MYOF: variants seen among roughly 807,000 people sequenced by gnomAD.
The protein encoded by MYOF is myoferlin.
In MYOF, 244 loss-of-function variants were observed where a neutral mutation model predicts 284.2. The observed-to-expected ratio is 0.86, with a 90% CI of 0.77 to 0.95. The LOEUF (loss-of-function observed/expected upper bound fraction) is 0.95, where lower values mean the gene tolerates loss of function less well. Ranked by LOEUF, MYOF falls within the 40% of genes least tolerant of loss-of-function variation. The pLI, the probability that MYOF is intolerant of heterozygous loss-of-function variation, is 0.00. For synonymous variants in MYOF, 904 were observed against 919.7 expected, an observed-to-expected ratio of 0.98 and a Z score of 0.31; for missense variants, 2,496 against 2,560.6, an observed-to-expected ratio of 0.97 and a Z score of 0.54.
At chr10:93,317,027 A>G (rs1842643068) in intron 49 of MYOF, among the ~76,000 whole-genome samples, 1 of 151,344 alleles carries the variant, frequency 6.6e-6, no homozygotes, top group East Asian at 1.9e-4. Flanking sequence ...GGTTTTTCCC[A>G]AAGAAGATTT....
rs759449867 is a variant in MYOF at position 93,329,873 on chromosome 10, A to C, written c.4812-39T>G. On this transcript the variant is annotated intron_variant, in intron 43 of 53. Coordinates refer to ENST00000359263, the MANE Select transcript of MYOF (RefSeq NM_013451.4). ...TGCAAGGTCAGAATCTTCATGATCC[A>C]TCTGAGTACCTCACAAAAACTGGGG... The C allele has an allele frequency of 6.2e-6, 10 of 1,605,204 alleles. No individual in the cohort carries two copies. In the Admixed American group the frequency reaches 1.7e-4, roughly 27 times the overall value.
chr10:93,344,076 C>G lies in MYOF; in HGVS notation c.4250-144G>C, dbSNP rs1287601065. ...ACTTACAGAATAGAGAGGACAACTCCTGAATGTAGAAAATAAACCAACAAT... is the reference window on the plus strand; with the variant it reads ...ACTTACAGAATAGAGAGGACAACTCGTGAATGTAGAAAATAAACCAACAAT... On this transcript the variant is annotated intron_variant, in intron 37 of 53. Coordinates refer to ENST00000359263, the MANE Select transcript of MYOF (RefSeq NM_013451.4). 3 of 769,010 alleles carry G rather than the reference C, an allele frequency of 3.9e-6. No homozygotes were observed. In the African/African-American group the frequency reaches 5.3e-5, roughly 13 times the overall value. 47.6% of individuals were successfully genotyped at this position (769,010 alleles called of 1,614,324 possible).
rs1421592315 is a variant in MYOF, at chr10:93,464,418, A to G, written c.89-7481T>C. ...TGGAGAATCCTGACTAGTCCAACCA[A>G]TAACACCAGGTGCCCACGGAAGTAA... On this transcript the variant is annotated intron_variant, in intron 1 of 53. Transcript: ENST00000359263. Among the ~76,000 whole-genome samples, 3 of 152,154 alleles carry G rather than the reference A, an allele frequency of 2.0e-5. No individual in the cohort carries two copies. In the South Asian group the frequency reaches 6.2e-4, roughly 32 times the overall value.
chr10:93,419,889 T>C (rs994858196), intron 5 of MYOF, among the ~76,000 whole-genome samples: 1 of 152,180 alleles, frequency 6.6e-6, no homozygotes, highest in Non-Finnish European at 1.5e-5. Flanking sequence ...CCCAGCACTT[T>C]GGGAGGCCGA....
chr10:93,333,159 A>C, intron 43 of MYOF, 62 bp downstream of exon 43: 1 of 1,335,156 alleles, frequency 7.5e-7, no homozygotes, highest in Non-Finnish European at 1.1e-6. Context: ...CACATATTAG[A>C]GTCTTCATGC....
In MYOF at chr10:93,333,276, C is replaced by G; in HGVS notation, c.4756G>C (p.Val1586Leu). 1 of 1,613,780 alleles carries G rather than the reference C, an allele frequency of 6.2e-7. No homozygotes were observed. The highest frequency in any genetic ancestry group is 8.5e-7 in the Non-Finnish European group (1 of 1,179,928). ...ATGTAGTGATCTCGGTCTTCAATGA[C>G]TTTTTTGCCCAGTGTTATTTTTATG... ...PYIKITLGKK[V>L]IEDRDHYIPN... The change falls in exon 43 of 54, where the codon GTC (valine) becomes CTC (leucine). Residue 1586 changes from valine (V) to leucine (L), a missense_variant. By Grantham distance (32) the Val-to-Leu change is conservative. Around this residue, in one of 3 missense-constraint regions of MYOF, gnomAD observed 2,436 missense variants for 2,480.7 expected, o/e 0.98. Transcript: ENST00000359263.
rs1844494368 is a variant in MYOF, at chr10:93,351,279, G to C, written c.3839C>G (p.Pro1280Arg). 3.7e-6 allele frequency: 6 copies of C among 1,613,292 alleles called. No individual in the cohort carries two copies. The highest frequency in any genetic ancestry group is 4.2e-6 in the Non-Finnish European group (5 of 1,179,852). ...ILRGKDGSNLPILPPQRAPNL... is the reference protein window; with the variant it reads ...ILRGKDGSNLRILPPQRAPNL... ...TGGCGCCCTTTGAGGGGGAAGAATG[G>C]GAAGGTTGGAGCCATCCTGTGAAAC... Residue 1280 changes from proline (P) to arginine (R), a missense_variant, in exon 35 of 54, where the codon CCC (proline) becomes CGC (arginine). This residue lies in a region of MYOF where 2,436 missense variants were observed against 2,480.7 expected (regional missense o/e 0.98). Coordinates refer to ENST00000359263, the MANE Select transcript of MYOF (RefSeq NM_013451.4).
intron 39 of MYOF, among the ~76,000 whole-genome samples, chr10:93,338,881 A>G (rs1478695312): frequency 6.7e-6 from 1 of 148,536 alleles, no homozygotes; most frequent in Admixed American, 6.8e-5. Flanking sequence ...TTCTTATCAG[A>G]CCCCCTCTTT....
rs564290122 is a variant in MYOF, at chr10:93,434,853, T to G, written c.237-3337A>C. Reference sequence around the variant, plus strand: ...TTAGATTTTTATTCCCGTGACATACTGAAGACACCCATTACTCCATCTCCA... The same window carrying G: ...TTAGATTTTTATTCCCGTGACATACGGAAGACACCCATTACTCCATCTCCA... On this transcript the variant is annotated intron_variant, in intron 3 of 53. Coordinates refer to ENST00000359263, the MANE Select transcript of MYOF (RefSeq NM_013451.4). Among the ~76,000 whole-genome samples the G allele has an allele frequency of 3.9e-5, 6 of 152,256 alleles. No homozygotes were observed. The East Asian group carries it at 1.2e-3, about 29-fold the overall frequency.
chr10:93,310,465 A>G, intron 52 of MYOF, 69 bp downstream of exon 52: 1 of 1,456,256 alleles, frequency 6.9e-7, no homozygotes, highest in Non-Finnish European at 9.6e-7. Context: ...CATCCCATTA[A>G]GCCAATGGGA....
intron 37 of MYOF, among the ~76,000 whole-genome samples, chr10:93,345,227 C>T (rs1844133142): frequency 1.3e-5 from 2 of 152,230 alleles, no homozygotes; most frequent in African/African-American, 2.4e-5. Flanking sequence ...AAACACTTTA[C>T]TTACATGACC....
At chr10:93,386,160 G>A (rs1219273272) in intron 19 of MYOF, among the ~76,000 whole-genome samples, 1 of 152,144 alleles carries the variant, frequency 6.6e-6, no homozygotes, top group African/African-American at 2.4e-5. Flanking sequence ...ACTCCAATCT[G>A]TAACTACTCA....
intron 53 of MYOF, among the ~76,000 whole-genome samples, chr10:93,307,591 C>T (rs1399252503): frequency 3.3e-5 from 5 of 150,812 alleles, no homozygotes; most frequent in African/African-American, 4.9e-5. Flanking sequence ...TGAGCCACCA[C>T]GCCCTGCAGT....
chr10:93,355,819 T>C, intron 30 of MYOF, 83 bp from the exon 31 acceptor site: 1 of 939,334 alleles, frequency 1.1e-6, no homozygotes, highest in Non-Finnish European at 1.7e-6. Flanking sequence ...GAGGCAAGAA[T>C]AACAAATGGA....
chr10:93,316,731 G>A lies in MYOF; in HGVS notation c.5681C>T (p.Ser1894Phe). The A allele has an allele frequency of 6.2e-7, 1 of 1,613,552 alleles. No individual in the cohort carries two copies. The highest frequency in any genetic ancestry group is 8.5e-7 in the Non-Finnish European group (1 of 1,179,508). Residue 1894 changes from serine (S) to phenylalanine (F), a missense_variant, in exon 50 of 54, where the codon TCT becomes TTT. Around this residue, in one of 3 missense-constraint regions of MYOF, gnomAD observed 2,436 missense variants for 2,480.7 expected, o/e 0.98. Transcript: ENST00000359263. ...IIQIWDNDKF[S>F]LDDYLGFLEL... The stretch of plus-strand genomic sequence containing the variant: ...AGCCCTACCCAAGTAGTCATCCAGA[G>A]AAAACTTGTCATTGTCCCATATCTG...
chr10:93,332,370 A>C (rs1438376750), intron 43 of MYOF, among the ~76,000 whole-genome samples: 1 of 151,844 alleles, frequency 6.6e-6, no homozygotes, highest in Non-Finnish European at 1.5e-5. Flanking sequence ...TTACAGGTAC[A>C]CACCACCATG....
At chr10:93,323,389 A>AAGTT in intron 46 of MYOF, 31 bp from the exon 47 acceptor site, 1 of 1,554,872 alleles carries the variant, frequency 6.4e-7, no homozygotes. Context: ...AAGAGGACTG[A>AAGTT]AGTTATATGA....
Position 93,323,172 on chromosome 10 carries a change from A to G in MYOF, c.5362T>C (p.Tyr1788His). ...FNITPRKAKK[Y>H]YLRVIIWNTK... ...TTCCAGATGATCACACGCAGGTAGT[A>G]TCTGCAAGAAGCACAGTTGGAAGGT... Residue 1788 changes from tyrosine (Y) to histidine (H), a missense_variant and splice_region_variant, in exon 48 of 54, where the codon TAC becomes CAC. Physicochemically the swap from Tyr to His is moderately conservative, Grantham distance 83 (BLOSUM62 2). Coordinates refer to ENST00000359263, the MANE Select transcript of MYOF (RefSeq NM_013451.4). 1 of 1,614,150 alleles carries G rather than the reference A, an allele frequency of 6.2e-7. No homozygotes were observed. The highest frequency in any genetic ancestry group is 2.2e-5 in the East Asian group (1 of 44,884).
chr10:93,465,184 C>A (rs531536473), intron 1 of MYOF, among the ~76,000 whole-genome samples: 3 of 152,172 alleles, frequency 2.0e-5, no homozygotes, highest in Non-Finnish European at 4.4e-5. Context: ...GGTCATACAG[C>A]TAGTAAGTGA....
Sources: gnomAD v4.1 joint callset for allele counts (sites outside exome capture counted in the v4.1 genomes callset) on GRCh38, gnomAD v4.1.1 for gene constraint, gnomAD v4.1.1 regional missense constraint, MANE v1.5 for transcripts, NCBI Gene and HGNC (gene_info 2026-07-23, HGNC 2026-07-21) for gene names.